The following C2CD5 variants were observed in gnomAD, a reference collection of about 807,000 sequenced individuals.
C2CD5 encodes the protein C2 domain-containing protein 5.
C2CD5 carries 109 observed loss-of-function variants against 130.3 expected under a neutral mutation model. That is an observed-to-expected ratio of 0.84 (90% confidence interval 0.72 to 0.98). The LOEUF (loss-of-function observed/expected upper bound fraction) is 0.98. Among genes scored for constraint, C2CD5 ranks in the 50% least tolerant of loss-of-function variants. The pLI is 0.00. For missense variants in C2CD5, 996 were observed against 1,261.8 expected (o/e 0.79, Z 3.19); for synonymous variants, 454 against 429.2 (o/e 1.06, Z -0.71).
At chr12:22,535,236 A>G in intron 3 of C2CD5, 22 bp downstream of exon 3, 1 of 1,370,010 alleles carries the variant, frequency 7.3e-7, no homozygotes, top group Non-Finnish European at 1.0e-6. Context: ...ACACTCAAAA[A>G]TGCTGACATT....
chr12:22,485,538 G>C (rs964721873), intron 12 of C2CD5, among the ~76,000 whole-genome samples: 2 of 151,624 alleles, frequency 1.3e-5, no homozygotes, highest in Non-Finnish European at 2.9e-5. Context: ...TATTAAAAAA[G>C]AAAAATAGTA....
At chr12:22,506,357 A>T (rs1948533772) in intron 10 of C2CD5, among the ~76,000 whole-genome samples, 1 of 152,190 alleles carries the variant, frequency 6.6e-6, no homozygotes, top group African/African-American at 2.4e-5. Flanking sequence ...GAAAATAAGT[A>T]ATCTATAAAA....
At chr12:22,468,047 C>T (rs1460747394) in intron 22 of C2CD5, among the ~76,000 whole-genome samples, 6 of 150,266 alleles carry the variant, frequency 4.0e-5, no homozygotes, top group Non-Finnish European at 5.9e-5. Context: ...ATCAATCAAA[C>T]CTTTGTCGAT....
intron 3 of C2CD5, among the ~76,000 whole-genome samples, chr12:22,530,097 TATATATATATATATACAC>T (rs948131010): frequency 9.8e-5 from 11 of 112,260 alleles, no homozygotes; most frequent in Non-Finnish European, 1.8e-4. Context: ...TATATATATA[TATATATATATATATACAC>T]ACACACACAC....
At chr12:22,512,617 T>A in intron 9 of C2CD5, 1 of 1,408,364 alleles carries the variant, frequency 7.1e-7, no homozygotes. Context: ...ATACAAGAAA[T>A]AGGCTCTCAC....
chr12:22,510,789 A>G (rs902580700), intron 9 of C2CD5, among the ~76,000 whole-genome samples: 1 of 152,234 alleles, frequency 6.6e-6, no homozygotes, highest in Non-Finnish European at 1.5e-5. Context: ...TGAAGGAACT[A>G]AAAAAGTACT....
intron 7 of C2CD5, among the ~76,000 whole-genome samples, chr12:22,522,119 A>G (rs1326462717): frequency 6.6e-6 from 1 of 152,184 alleles, no homozygotes; most frequent in Non-Finnish European, 1.5e-5. Flanking sequence ...TTGTGCTACA[A>G]TGGCAGTTAT....
chr12:22,459,727 T>A (rs1266930824), intron 22 of C2CD5, among the ~76,000 whole-genome samples, 185 bp from the exon 23 acceptor site: 8 of 152,352 alleles, frequency 5.3e-5, no homozygotes, highest in Non-Finnish European at 1.2e-4. Flanking sequence ...AAATGAAAAC[T>A]AGCTCAGTTC....
rs767569115 is a variant in C2CD5, at chr12:22,484,758, T to C, written c.1489A>G (p.Thr497Ala). ...RKQKVPDVLF[T>A]TIDLPTDATV... ...GCATCTGTTGGGAGGTCTATAGTTG[T>C]AAACAGAACATCAGGAACTTTTTGT... Residue 497 changes from threonine to alanine, a missense_variant, in exon 13 of 27, where the codon ACA becomes GCA. Physicochemically the swap from Thr to Ala is moderately conservative, Grantham distance 58. Around this residue, in one of 9 missense-constraint regions of C2CD5, gnomAD observed 590 missense variants for 631.4 expected, o/e 0.93. Coordinates refer to ENST00000446597, the MANE Select transcript of C2CD5 (RefSeq NM_001286176.2). 6.2e-7 allele frequency: 1 copy of C among 1,610,116 alleles called. No individual in the cohort carries two copies. The highest frequency in any genetic ancestry group is 1.7e-5 in the Admixed American group (1 of 59,484).
At chr12:22,488,311 A>T (rs1945843540) in intron 12 of C2CD5, among the ~76,000 whole-genome samples, 2 of 152,238 alleles carry the variant, frequency 1.3e-5, no homozygotes, top group African/African-American at 4.8e-5. Flanking sequence ...AATCTTACAA[A>T]GCATATAAGA....
intron 26 of C2CD5, among the ~76,000 whole-genome samples, chr12:22,453,284 G>C (rs991363250): frequency 2.2e-4 from 34 of 152,136 alleles, no homozygotes; most frequent in Non-Finnish European, 4.3e-4. Context: ...GTGGACCACA[G>C]AAATAGGATT....
At chr12:22,463,713 C>G (rs1426422073) in intron 22 of C2CD5, 1 of 152,122 alleles carries the variant, frequency 6.6e-6, no homozygotes, top group East Asian at 1.9e-4. Flanking sequence ...TTTTGACTAT[C>G]TATTCACTTT....
At chr12:22,522,588 T>C (rs1194965070) in intron 7 of C2CD5, among the ~76,000 whole-genome samples, 1 of 152,142 alleles carries the variant, frequency 6.6e-6, no homozygotes, top group East Asian at 1.9e-4. Flanking sequence ...GGGCAGACCC[T>C]AAAGTATTGG....
chr12:22,505,571 A>C (rs1416797324), intron 10 of C2CD5, among the ~76,000 whole-genome samples: 1 of 152,134 alleles, frequency 6.6e-6, no homozygotes, highest in Admixed American at 6.5e-5. Flanking sequence ...ACCAAATAAG[A>C]ATACTAATAT....
chr12:22,469,828 A>T (rs773608267), intron 21 of C2CD5, 33 bp from the exon 22 acceptor site: 1 of 1,289,912 alleles, frequency 7.8e-7, no homozygotes, highest in Non-Finnish European at 1.1e-6. Context: ...GTTATTTAGT[A>T]ATGATCTATT....
chr12:22,497,295 G>A (rs911208839), intron 10 of C2CD5, among the ~76,000 whole-genome samples: 1 of 152,052 alleles, frequency 6.6e-6, no homozygotes, highest in African/African-American at 2.4e-5. Flanking sequence ...GAGAGAACTT[G>A]AAATGTTCCC....
intron 2 of C2CD5, among the ~76,000 whole-genome samples, chr12:22,542,038 T>C (rs1224691864): frequency 6.6e-6 from 1 of 152,196 alleles, no homozygotes; most frequent in Non-Finnish European, 1.5e-5. Context: ...CCTGACTATT[T>C]TAACCTAAGA....
At chr12:22,526,689 A>G (rs963682766) in intron 4 of C2CD5, among the ~76,000 whole-genome samples, 19 of 152,270 alleles carry the variant, frequency 1.2e-4, no homozygotes, top group African/African-American at 4.6e-4. Flanking sequence ...TGGGCAACAC[A>G]GCGAGAAAAA....
At chr12:22,466,638 T>C (rs898293268) in intron 22 of C2CD5, among the ~76,000 whole-genome samples, 3 of 152,188 alleles carry the variant, frequency 2.0e-5, no homozygotes, top group African/African-American at 7.2e-5. Context: ...GCTTTAAAAA[T>C]TGTATTTAGC....
Sources: gnomAD v4.1 joint callset for allele counts (sites outside exome capture counted in the v4.1 genomes callset) on GRCh38, gnomAD v4.1.1 for gene constraint, gnomAD v4.1.1 regional missense constraint, MANE v1.5 for transcripts, NCBI Gene and HGNC (gene_info 2026-07-23, HGNC 2026-07-21) for gene names.